R3HDM2: variants seen among roughly 807,000 people sequenced by gnomAD.
R3HDM2 encodes the protein R3H domain-containing protein 2.
R3HDM2 carries 38 observed loss-of-function variants against 124.5 expected under a neutral mutation model. That is an observed-to-expected ratio of 0.31 (90% CI 0.24 to 0.40). The LOEUF is 0.40. Ranked by LOEUF, R3HDM2 falls within the 10% of genes least tolerant of loss-of-function variation. The pLI is 1.00. For missense variants in R3HDM2, 869 were observed against 1,236.9 expected (o/e 0.70, Z 4.46); for synonymous variants, 391 against 448.0 (o/e 0.87, Z 1.61).
chr12:57,279,962 CATAG>C (rs2045762681), intron 14 of R3HDM2, among the ~76,000 whole-genome samples: 1 of 152,118 alleles, frequency 6.6e-6, no homozygotes, highest in Non-Finnish European at 1.5e-5. Context: ...TATGGGTCCA[CATAG>C]TTGGTCAGAT....
Position 57,364,313 on chromosome 12 carries a change from A to G in R3HDM2, c.-36+31436T>C, listed in dbSNP as rs373638957. Among the ~76,000 whole-genome samples, 125 of 151,852 alleles carry G rather than the reference A, an allele frequency of 8.2e-4. 1 individual carries two copies. In the South Asian group the frequency reaches 0.024, roughly 30 times the overall value. On this transcript the variant is annotated intron_variant, in intron 2 of 23. Transcript: ENST00000402412. ...CAGACGCACATCACCATGCCTGGCT[A>G]ATTTTTTTGCATTTTTAGTAGAGAC...
intron 19 of R3HDM2, among the ~76,000 whole-genome samples, chr12:57,263,150 C>T (rs1000902603): frequency 2.0e-5 from 3 of 152,126 alleles, no homozygotes; most frequent in Non-Finnish European, 4.4e-5. Context: ...GTTCAAAGAT[C>T]TTGCATTTGA....
intron 2 of R3HDM2, among the ~76,000 whole-genome samples, chr12:57,360,820 C>T (rs2137567230): frequency 6.6e-6 from 1 of 152,194 alleles, no homozygotes; most frequent in East Asian, 1.9e-4. Flanking sequence ...TTTTGGGAGG[C>T]TGAGGCGGGC....
chr12:57,346,130 C>G (rs2060061471), intron 2 of R3HDM2, among the ~76,000 whole-genome samples: 1 of 143,762 alleles, frequency 7.0e-6, no homozygotes, highest in Non-Finnish European at 1.5e-5. Context: ...GCACTCCAGC[C>G]TGGGCAACAA....
chr12:57,345,023 T>C (rs2059948923), intron 2 of R3HDM2, among the ~76,000 whole-genome samples: 1 of 151,968 alleles, frequency 6.6e-6, no homozygotes, highest in African/African-American at 2.4e-5. Context: ...TAGTAGATAC[T>C]GGGTTTCTCC....
intron 2 of R3HDM2, among the ~76,000 whole-genome samples, chr12:57,322,579 C>T (rs978066696): frequency 6.6e-6 from 1 of 152,304 alleles, no homozygotes; most frequent in Non-Finnish European, 1.5e-5. Context: ...CAGAAACAGA[C>T]CAGAACCTCC....
intron 2 of R3HDM2, among the ~76,000 whole-genome samples, chr12:57,361,402 TA>T (rs1763450323): frequency 8.0e-6 from 1 of 124,228 alleles, no homozygotes; most frequent in African/African-American, 3.0e-5. Context: ...AAAAAAGGCA[TA>T]AAGCAAGCAC....
At chr12:57,414,357 G>A (rs1342677082) in intron 1 of R3HDM2, among the ~76,000 whole-genome samples, 1 of 147,554 alleles carries the variant, frequency 6.8e-6, no homozygotes, top group East Asian at 2.1e-4. Context: ...TGGGCATGGT[G>A]ATGCGCACCT....
chr12:57,283,780 C>G, intron 13 of R3HDM2, 44 bp downstream of exon 13: 1 of 1,577,726 alleles, frequency 6.3e-7, no homozygotes, highest in South Asian at 1.1e-5. Flanking sequence ...AGGAGACAAG[C>G]AAGAAGGGAT....
chr12:57,421,829 G>C (rs1416932476), intron 1 of R3HDM2, among the ~76,000 whole-genome samples: 1 of 152,058 alleles, frequency 6.6e-6, no homozygotes, highest in Non-Finnish European at 1.5e-5. Context: ...TCTCATGGTG[G>C]CTCATGCCTG....
intron 2 of R3HDM2, among the ~76,000 whole-genome samples, chr12:57,334,023 C>T (rs1016466782): frequency 1.3e-5 from 2 of 151,014 alleles, no homozygotes; most frequent in African/African-American, 2.4e-5. Flanking sequence ...TGGGACAGAG[C>T]GAGACTCCGT....
intron 15 of R3HDM2, 141 bp downstream of exon 15, chr12:57,269,611 A>C (rs2043164225): frequency 6.9e-7 from 1 of 1,450,508 alleles, no homozygotes; most frequent in Non-Finnish European, 9.3e-7. Flanking sequence ...TATAGAAAGA[A>C]GACTTTCTGG....
At chr12:57,380,228 A>G (rs1474132209) in intron 2 of R3HDM2, among the ~76,000 whole-genome samples, 1 of 152,202 alleles carries the variant, frequency 6.6e-6, no homozygotes, top group Admixed American at 6.6e-5. Context: ...CCTATACACC[A>G]TGACACTCTC....
At chr12:57,258,841 A>G in intron 20 of R3HDM2, 49 bp downstream of exon 20, 1 of 1,422,840 alleles carries the variant, frequency 7.0e-7, no homozygotes, top group African/African-American at 1.5e-5. Context: ...GCGCCCCGGG[A>G]AGAATACGGT....
chr12:57,428,967 A>G (rs1057021431), intron 1 of R3HDM2, among the ~76,000 whole-genome samples: 1 of 151,962 alleles, frequency 6.6e-6, no homozygotes, highest in African/African-American at 2.4e-5. Flanking sequence ...GGCTGGTCTC[A>G]AACTCCTGAC....
At chr12:57,348,894 C>CA (rs891725072) in intron 2 of R3HDM2, among the ~76,000 whole-genome samples, 11 of 151,668 alleles carry the variant, frequency 7.3e-5, no homozygotes, top group African/African-American at 2.7e-4. Context: ...TGTTTCTAAA[C>CA]AAAAAAAGAA....
chr12:57,325,414 C>A (rs1036049527), intron 2 of R3HDM2, among the ~76,000 whole-genome samples: 1 of 152,210 alleles, frequency 6.6e-6, no homozygotes, highest in African/African-American at 2.4e-5. Flanking sequence ...TCCCTAATTC[C>A]TTCTGGCTTG....
intron 2 of R3HDM2, among the ~76,000 whole-genome samples, chr12:57,334,627 G>A (rs550116266): frequency 1.3e-5 from 2 of 152,090 alleles, no homozygotes; most frequent in Non-Finnish European, 2.9e-5. Flanking sequence ...ATCAATCTAT[G>A]CAAATAACAA....
At chr12:57,363,193 C>T (rs1039894049) in intron 2 of R3HDM2, among the ~76,000 whole-genome samples, 2 of 152,190 alleles carry the variant, frequency 1.3e-5, no homozygotes, top group South Asian at 2.1e-4. Flanking sequence ...CTTTCTGTAG[C>T]GGTGGTCTGA....
Sources: allele counts gnomAD v4.1 joint callset (sites outside exome capture counted in the v4.1 genomes callset), GRCh38; gene constraint gnomAD v4.1.1; transcripts MANE v1.5; gene names NCBI Gene and HGNC (gene_info 2026-07-23, HGNC 2026-07-21).